The following COMMD10 variants were observed in gnomAD, a reference collection of about 807,000 sequenced individuals.
COMMD10 encodes the protein COMM domain containing 10.
Under a neutral mutation model 28.9 loss-of-function variants are expected in COMMD10, and 33 were observed. The ratio of observed to expected loss-of-function variants is 1.14; its 90% CI spans 0.87 to 1.53. The LOEUF (loss-of-function observed/expected upper bound fraction) is 1.53. Ranked by LOEUF, COMMD10 falls within the 40% of genes most tolerant of loss-of-function variation. The pLI, the probability that COMMD10 is intolerant of heterozygous loss-of-function variation, is 0.00. For synonymous variants in COMMD10, 110 were observed against 81.7 expected (o/e 1.35, Z -1.87); for missense variants, 310 against 233.4 (o/e 1.33, Z -2.14).
Position 116,143,118 on chromosome 5 carries a change from C to G in COMMD10, c.510+8940C>G, listed in dbSNP as rs568009040. Among the ~76,000 whole-genome samples the G allele has an allele frequency of 1.2e-4, 15 of 129,484 alleles. No individual in the cohort carries two copies. In the East Asian group the frequency reaches 3.7e-3, roughly 32 times the overall value. 84.9% of individuals were successfully genotyped at this position (129,484 alleles called of 152,430 possible). On this transcript the variant is annotated intron_variant, in intron 5 of 6. Transcript: ENST00000274458. The stretch of plus-strand genomic sequence containing the variant: ...GTGGTCAACATGACTTTTTAAAAGA[C>G]AATATTATGTAGTCAGGTATATTGA...
At chr5:116,191,448 G>A (rs907292589) in intron 5 of COMMD10, among the ~76,000 whole-genome samples, 1 of 151,944 alleles carries the variant, frequency 6.6e-6, no homozygotes, top group Non-Finnish European at 1.5e-5. Flanking sequence ...TGGGGCTCTT[G>A]TGGGGCTCGG....
At chr5:116,167,191 C>T (rs188926985) in intron 5 of COMMD10, among the ~76,000 whole-genome samples, 1 of 151,842 alleles carries the variant, frequency 6.6e-6, no homozygotes, top group East Asian at 2.0e-4. Context: ...AGCACAAGAA[C>T]TTCATGCAGC....
intron 5 of COMMD10, among the ~76,000 whole-genome samples, chr5:116,243,004 TA>T (rs1749851526): frequency 6.6e-6 from 1 of 152,216 alleles, no homozygotes; most frequent in Non-Finnish European, 1.5e-5. Flanking sequence ...TGTTTATTTT[TA>T]AAATGTTTCC....
At chr5:116,172,209 G>T (rs1223031480) in intron 5 of COMMD10, among the ~76,000 whole-genome samples, 3 of 152,174 alleles carry the variant, frequency 2.0e-5, no homozygotes, top group Middle Eastern at 6.8e-3. Context: ...TTTATGGCAA[G>T]ATTTTATTTA....
intron 4 of COMMD10, among the ~76,000 whole-genome samples, chr5:116,106,104 T>A (rs557533786): frequency 2.4e-4 from 35 of 148,352 alleles, no homozygotes; most frequent in African/African-American, 7.2e-4. Flanking sequence ...TTTTATTTTT[T>A]TTTTTGTGTG....
intron 5 of COMMD10, among the ~76,000 whole-genome samples, chr5:116,208,606 A>G (rs927105475): frequency 2.6e-5 from 4 of 152,198 alleles, no homozygotes; most frequent in Admixed American, 2.6e-4. Flanking sequence ...CACCTTTAGT[A>G]TTCAATAATT....
intron 5 of COMMD10, among the ~76,000 whole-genome samples, chr5:116,214,231 A>C (rs1470439775): frequency 6.6e-6 from 1 of 152,168 alleles, no homozygotes; most frequent in Admixed American, 6.5e-5. Context: ...ACAAGGGAAG[A>C]AATAGAAAAT....
intron 5 of COMMD10, chr5:116,188,657 G>T: frequency 1.1e-5 from 1 of 93,376 alleles, no homozygotes; most frequent in African/African-American, 7.4e-5. Flanking sequence ...TTTTTGACAA[G>T]GTCTGGCTCT....
At position 116,150,102 on chromosome 5, in the gene COMMD10, A is replaced by C. The variant is rs535428676; in HGVS notation, c.510+15924A>C. Among the ~76,000 whole-genome samples, 289 of 152,236 alleles carry C rather than the reference A, an allele frequency of 1.9e-3. 3 individuals carry two copies. Among genetic ancestry groups the C allele is most frequent in the African/African-American group, 6.6e-3 (273 of 41,536 alleles). On this transcript the variant is annotated intron_variant, in intron 5 of 6. Coordinates refer to ENST00000274458, the MANE Select transcript of COMMD10 (RefSeq NM_016144.4). The stretch of plus-strand genomic sequence containing the variant: ...CTAGCCAGTTTCCCCAGCACCATTT[A>C]TTAAATAGGGAATACTTTCCCCATT...
intron 4 of COMMD10, among the ~76,000 whole-genome samples, chr5:116,115,888 G>A (rs1400846466): frequency 1.3e-5 from 2 of 152,014 alleles, no homozygotes; most frequent in African/African-American, 2.4e-5. Context: ...TGAGTATCTT[G>A]CTCTTTAAAG....
intron 5 of COMMD10, among the ~76,000 whole-genome samples, chr5:116,234,895 C>CT (rs1749621936): frequency 6.6e-6 from 1 of 152,152 alleles, no homozygotes; most frequent in Non-Finnish European, 1.5e-5. Flanking sequence ...AAAAGGGTGA[C>CT]AGCTCTGCTA....
chr5:116,185,482 G>C (rs1748107723), intron 5 of COMMD10, among the ~76,000 whole-genome samples: 1 of 152,044 alleles, frequency 6.6e-6, no homozygotes, highest in East Asian at 1.9e-4. Context: ...TCTATTTCTT[G>C]GCTTTCCTTT....
chr5:116,150,033 A>G (rs1752469355), intron 5 of COMMD10, among the ~76,000 whole-genome samples: 1 of 152,106 alleles, frequency 6.6e-6, no homozygotes. Flanking sequence ...TAATTTTTGT[A>G]TAAGGTGTAA....
At chr5:116,091,676 C>T (rs1032118616) in intron 3 of COMMD10, among the ~76,000 whole-genome samples, 1 of 152,114 alleles carries the variant, frequency 6.6e-6, no homozygotes, top group Non-Finnish European at 1.5e-5. Context: ...ATCCTTGGCT[C>T]ATCACAGTAG....
chr5:116,136,054 A>G (rs1231129148), intron 5 of COMMD10, among the ~76,000 whole-genome samples: 1 of 152,220 alleles, frequency 6.6e-6, no homozygotes, highest in Non-Finnish European at 1.5e-5. Flanking sequence ...ATCATCATCA[A>G]TAAAACTTTT....
intron 5 of COMMD10, among the ~76,000 whole-genome samples, chr5:116,267,800 C>T (rs1750633231): frequency 6.6e-6 from 1 of 151,846 alleles, no homozygotes; most frequent in East Asian, 1.9e-4. Flanking sequence ...TACCACACAT[C>T]TACAACCATC....
At chr5:116,112,611 T>G (rs11241361) in intron 4 of COMMD10, among the ~76,000 whole-genome samples, 112,210 of 151,966 alleles carry the variant, frequency 0.74, 41,818 homozygotes, top group Non-Finnish European at 0.8. Context: ...TGACAGAATG[T>G]TCTCTATCTC....
intron 5 of COMMD10, among the ~76,000 whole-genome samples, chr5:116,209,174 T>C (rs1436993107): frequency 6.6e-6 from 1 of 152,180 alleles, no homozygotes; most frequent in Admixed American, 6.5e-5. Flanking sequence ...CTTTGACTAA[T>C]TTAATAATTT....
Position 116,198,040 on chromosome 5 carries a change from A to T in COMMD10, c.510+63862A>T, listed in dbSNP as rs140478506. On this transcript the variant is annotated intron_variant, in intron 5 of 6. Transcript: ENST00000274458. ...ATATGCAGTCTTGATTATTTTGATAATTTTTCTACATTTATACACACTTCA... is the reference window on the plus strand; with the variant it reads ...ATATGCAGTCTTGATTATTTTGATATTTTTTCTACATTTATACACACTTCA... 2.5e-3 allele frequency among the ~76,000 whole-genome samples: 380 copies of T among 151,948 alleles called. 2 individuals are homozygous for T. Among genetic ancestry groups the T allele is most frequent in the African/African-American group, 8.7e-3 (359 of 41,440 alleles).
Sources: allele counts gnomAD v4.1 joint callset (sites outside exome capture counted in the v4.1 genomes callset), GRCh38; gene constraint gnomAD v4.1.1; transcripts MANE v1.5; gene names NCBI Gene and HGNC (gene_info 2026-07-23, HGNC 2026-07-21).